CEP44: variants seen among roughly 807,000 people sequenced by gnomAD.
The protein encoded by CEP44 is centrosomal protein of 44 kDa.
A neutral mutation model predicts 46.7 loss-of-function variants in CEP44; 45 were observed. The observed-to-expected ratio is 0.96, with a 90% CI of 0.76 to 1.24. The LOEUF (loss-of-function observed/expected upper bound fraction) is 1.24, where lower values mean the gene tolerates loss of function less well. Ranked by LOEUF, CEP44 falls within the 50% of genes most tolerant of loss-of-function variation. The pLI is 0.00. For missense variants in CEP44, 475 were observed against 459.7 expected (o/e 1.03, Z -0.30); for synonymous variants, 142 against 146.0 (o/e 0.97, Z 0.20).
At chr4:174,295,839 A>AT (rs374584905) in intron 1 of CEP44, among the ~76,000 whole-genome samples, 22 of 152,204 alleles carry the variant, frequency 1.4e-4, no homozygotes, top group Admixed American at 1.0e-3. Flanking sequence ...AATTCTAGGT[A>AT]TTTTTCCAAT....
rs1333822822 is a variant in CEP44 at position 174,314,574 on chromosome 4, G to T, written c.962-1592G>T. 3.3e-5 allele frequency among the ~76,000 whole-genome samples: 5 copies of T among 152,060 alleles called. No individual in the cohort carries two copies. Among genetic ancestry groups the T allele is most frequent in the Admixed American group, 1.3e-4 (2 of 15,272 alleles). On this transcript the variant is annotated intron_variant, in intron 9 of 11. Transcript: ENST00000503780. This position sits in a 1 kb window ranked among gnomAD's most constrained non-coding sequence, Gnocchi z 4.1. Reference sequence around the variant, plus strand: ...ACCGCAAAGTCTGGACCCCAAAATGGAAGACAAAGAGAGCCATTCCTTCAC... The same window carrying T: ...ACCGCAAAGTCTGGACCCCAAAATGTAAGACAAAGAGAGCCATTCCTTCAC...
chr4:174,316,018 C>T, intron 9 of CEP44, 148 bp from the exon 10 acceptor site: 1 of 886,498 alleles, frequency 1.1e-6, no homozygotes, highest in Non-Finnish European at 1.7e-6. Flanking sequence ...AAAGCTGTTA[C>T]CTTAAGAGTA....
At position 174,316,163 on chromosome 4, in the gene CEP44, C is replaced by T; in HGVS notation, c.962-3C>T. 1 of 1,610,628 alleles carries T rather than the reference C, an allele frequency of 6.2e-7. No homozygotes were observed. The highest frequency in any genetic ancestry group is 8.5e-7 in the Non-Finnish European group (1 of 1,179,202). On this transcript the variant is annotated splice_region_variant and splice_polypyrimidine_tract_variant and intron_variant, in intron 9 of 11. Coordinates refer to ENST00000503780, the MANE Select transcript of CEP44 (RefSeq NM_001040157.3). ...GGTAATCTAAAACTTAATTTCTTCA[C>T]AGACAGAAAAAGCGAAGTAGAGAGG...
chr4:174,291,936 A>G (rs1411930357), intron 1 of CEP44, among the ~76,000 whole-genome samples: 1 of 151,360 alleles, frequency 6.6e-6, no homozygotes, highest in South Asian at 2.1e-4. Context: ...GACTAGAGGC[A>G]TGCACCACCA....
At chr4:174,285,770 T>TA (rs1174614117) in intron 1 of CEP44, among the ~76,000 whole-genome samples, 1 of 152,192 alleles carries the variant, frequency 6.6e-6, no homozygotes, top group East Asian at 1.9e-4. Flanking sequence ...ACCTACTATA[T>TA]TGGCCAGTGG....
upstream of CEP44, chr4:174,283,732 T>G (rs2126460209): frequency 2.5e-6 from 1 of 397,668 alleles, no homozygotes. This position sits in a 1 kb window ranked among gnomAD's most constrained non-coding sequence, Gnocchi z 6.7. Flanking sequence ...TGTTTACGAT[T>G]CGCTATAGAT....
intron 6 of CEP44, 125 bp from the exon 7 acceptor site, chr4:174,308,564 C>A: frequency 1.2e-6 from 1 of 861,210 alleles, no homozygotes; most frequent in Non-Finnish European, 1.8e-6. Flanking sequence ...GCACAACAAA[C>A]CCCCATGGCA....
chr4:174,299,032 A>G (rs1218029793), intron 2 of CEP44, 40 bp from the exon 3 acceptor site: 2 of 1,133,234 alleles, frequency 1.8e-6, no homozygotes, highest in Admixed American at 2.2e-5. Flanking sequence ...CTTCAAAAAT[A>G]CAGAGACTTA....
At chr4:174,332,041 A>G (rs1242988963) in exon 9 of CEP44, 1 of 153,950 alleles carries the variant, frequency 6.5e-6, no homozygotes, top group Non-Finnish European at 1.4e-5. Context: ...GAAGCAGACC[A>G]TTCTTCCTTT....
rs140179865 is a variant in CEP44, at chr4:174,316,559, G to C, written c.1116G>C (p.Met372Ile). ...EETTIQKMER[M>I]KKMFEETAEL... ...CAACAATCCAGAAAATGGAAAGGATGAAAAAAATGTAAGTAACAGAAAGGG... is the reference window on the plus strand; with the variant it reads ...CAACAATCCAGAAAATGGAAAGGATCAAAAAAATGTAAGTAACAGAAAGGG... The change falls in exon 11 of 12, where the codon ATG becomes ATC. Residue 372 changes from methionine (M) to isoleucine (I), a missense_variant. Coordinates refer to ENST00000503780, the MANE Select transcript of CEP44 (RefSeq NM_001040157.3). The C allele has an allele frequency of 6.3e-7, 1 of 1,586,792 alleles. No homozygotes were observed. Among genetic ancestry groups the C allele is most frequent in the East Asian group, 2.2e-5 (1 of 44,606 alleles).
At chr4:174,315,697 C>A (rs1350342500) in intron 9 of CEP44, among the ~76,000 whole-genome samples, 1 of 151,560 alleles carries the variant, frequency 6.6e-6, no homozygotes, top group African/African-American at 2.4e-5. Flanking sequence ...AAAAATTAGC[C>A]GGGCGTGGTA....
rs1018340686 is a variant in CEP44, at chr4:174,314,142, T to G, written c.962-2024T>G. On this transcript the variant is annotated intron_variant, in intron 9 of 11. Coordinates refer to ENST00000503780, the MANE Select transcript of CEP44 (RefSeq NM_001040157.3). The surrounding 1 kb of genome is among the most constrained non-coding windows in gnomAD (Gnocchi z 4.1). ...GATTTCATGTCCCATACCCCCATAATCTTAGAAGTAGAAGAGTCCCTTTCT... is the reference window on the plus strand; with the variant it reads ...GATTTCATGTCCCATACCCCCATAAGCTTAGAAGTAGAAGAGTCCCTTTCT... 1.3e-5 allele frequency among the ~76,000 whole-genome samples: 2 copies of G among 152,138 alleles called. No homozygotes were observed. The highest frequency in any genetic ancestry group is 4.8e-5 in the African/African-American group (2 of 41,446).
chr4:174,315,425 CTG>C (rs1292610371), intron 9 of CEP44, among the ~76,000 whole-genome samples: 1 of 151,916 alleles, frequency 6.6e-6, no homozygotes, highest in Non-Finnish European at 1.5e-5. Flanking sequence ...AAAAAGAAAT[CTG>C]TGGATCTTAA....
At chr4:174,289,876 A>G (rs905357370) in intron 1 of CEP44, among the ~76,000 whole-genome samples, 1 of 149,528 alleles carries the variant, frequency 6.7e-6, no homozygotes, top group African/African-American at 2.5e-5. Context: ...TTGCTCTGTC[A>G]CCAGGCTGGA....
intron 6 of CEP44, among the ~76,000 whole-genome samples, chr4:174,305,591 A>G (rs1041842770): frequency 6.6e-6 from 1 of 152,200 alleles, no homozygotes; most frequent in African/African-American, 2.4e-5. Flanking sequence ...CAAAGCCGCC[A>G]TTTTTGAATA....
intron 1 of CEP44, among the ~76,000 whole-genome samples, chr4:174,295,665 G>A (rs1039975542): frequency 1.3e-5 from 2 of 152,114 alleles, no homozygotes; most frequent in Non-Finnish European, 1.5e-5. Context: ...GTAGCGAGCC[G>A]AGATCACGCC....
At chr4:174,321,489 C>T (rs1330196236), downstream of CEP44, among the ~76,000 whole-genome samples, 1 of 152,066 alleles carries the variant, frequency 6.6e-6, no homozygotes, top group African/African-American at 2.4e-5. Context: ...CTTGTTTGGT[C>T]CTCATCAATA....
In CEP44 at chr4:174,309,898, GA is replaced by G. The variant is rs754326890; in HGVS notation, c.729del (p.Glu243AspfsTer9). 2 of 1,612,192 alleles carry G rather than the reference GA, an allele frequency of 1.2e-6. No homozygotes were observed. The highest frequency in any genetic ancestry group is 2.2e-5 in the South Asian group (2 of 90,970). ...EITALQTMLAECQENLKKLTS... is the reference protein window; with the variant it reads ...EITALQTMLAXCQENLKKLTS... ...TACTGCACTACAAACTATGCTTGCT[GA>G]ATGCCAAGAAAATCTTAAGAAACTG... On this transcript the variant is annotated frameshift_variant, in exon 8 of 12. Transcript: ENST00000503780. LOFTEE classifies it high-confidence loss of function. The surrounding 1 kb of genome is among the most constrained non-coding windows in gnomAD (Gnocchi z 5.3).
intron 1 of CEP44, among the ~76,000 whole-genome samples, chr4:174,294,568 C>T (rs1738632539): frequency 6.6e-6 from 1 of 151,924 alleles, no homozygotes; most frequent in South Asian, 2.1e-4. Context: ...GTACACCTCC[C>T]AGACGGGGTG....
Sources: allele counts gnomAD v4.1 joint callset (sites outside exome capture counted in the v4.1 genomes callset), GRCh38; gene constraint gnomAD v4.1.1; non-coding constraint Gnocchi (gnomAD v3.1); transcripts MANE v1.5; gene names NCBI Gene and HGNC (gene_info 2026-07-23, HGNC 2026-07-21).